Variants in ADGRL3 observed in about 807,000 individuals in gnomAD.
ADGRL3 encodes the protein adhesion G protein-coupled receptor L3.
In ADGRL3, 62 loss-of-function variants were observed where a neutral mutation model predicts 153.5. That is an observed-to-expected ratio of 0.40 (90% confidence interval 0.33 to 0.50). The LOEUF (loss-of-function observed/expected upper bound fraction) is 0.50. Ranked by LOEUF, ADGRL3 falls within the 20% of genes least tolerant of loss-of-function variation. The pLI, the probability that ADGRL3 is intolerant of heterozygous loss-of-function variation, is 0.47. For synonymous variants in ADGRL3, 710 were observed against 672.5 expected (o/e 1.06, Z -0.86); for missense variants, 1,641 against 1,859.4 (o/e 0.88, Z 2.16).
rs370404295 is a variant in ADGRL3, at chr4:61,968,525, C to T, written c.2806-11038C>T. 1.2e-3 allele frequency among the ~76,000 whole-genome samples: 179 copies of T among 152,170 alleles called. 1 individual carries two copies. Among genetic ancestry groups the T allele is most frequent in the African/African-American group, 4.2e-3 (173 of 41,534 alleles). ...TTTGAAAATATAATTTTACAGAAGG[C>T]CAATATTTTAACATATTTTTATGGC... On this transcript the variant is annotated intron_variant, in intron 17 of 26. Coordinates refer to ENST00000683033, the MANE Select transcript of ADGRL3 (RefSeq NM_001387552.1).
At chr4:61,314,149 A>G (rs944551682) in intron 1 of ADGRL3, among the ~76,000 whole-genome samples, 1 of 151,916 alleles carries the variant, frequency 6.6e-6, no homozygotes, top group African/African-American at 2.4e-5. Flanking sequence ...CTTTTTCTTT[A>G]TTAATAAACC....
chr4:61,844,241 T>G (rs1402035016), intron 9 of ADGRL3, among the ~76,000 whole-genome samples: 1 of 151,338 alleles, frequency 6.6e-6, no homozygotes, highest in African/African-American at 2.4e-5. Context: ...TTCAGAAAAA[T>G]AATTTAATTA....
chr4:61,216,150 T>C (rs1742680145), intron 1 of ADGRL3, among the ~76,000 whole-genome samples: 1 of 152,176 alleles, frequency 6.6e-6, no homozygotes, highest in Admixed American at 6.5e-5. Context: ...AGGCTCAGTA[T>C]TGCATGTGGT....
rs183853829 is a variant in ADGRL3, at chr4:61,775,649, C to T, written c.1400-38160C>T. ...TTGATTTGGTGTTCAGCACAAAGGGCCTCCACCAACTTGACATACATCACA... is the reference window on the plus strand; with the variant it reads ...TTGATTTGGTGTTCAGCACAAAGGGTCTCCACCAACTTGACATACATCACA... On this transcript the variant is annotated intron_variant, in intron 8 of 26. Transcript: ENST00000683033. 161 of 1,500,642 alleles carry T rather than the reference C, an allele frequency of 1.1e-4. No individual in the cohort carries two copies. In the Admixed American group the frequency reaches 1.2e-3, roughly 11 times the overall value. The allele number at this position is 1,500,642 out of a possible 1,614,324, so 93.0% of individuals were successfully genotyped here. A position where few individuals can be genotyped will look rare whatever the true frequency, so the allele number is the denominator to read the frequency against.
intron 8 of ADGRL3, among the ~76,000 whole-genome samples, chr4:61,791,531 T>C (rs1487068315): frequency 6.6e-6 from 1 of 152,112 alleles, no homozygotes; most frequent in Non-Finnish European, 1.5e-5. Flanking sequence ...TGTCTGCAGC[T>C]TTTTCCAGGT....
intron 9 of ADGRL3, among the ~76,000 whole-genome samples, chr4:61,835,720 C>T (rs1204686816): frequency 1.3e-5 from 2 of 151,938 alleles, no homozygotes; most frequent in African/African-American, 4.8e-5. Context: ...CAGAAGCTAT[C>T]CATGGGGGGA....
At chr4:61,340,601 T>C (rs1226151808) in intron 1 of ADGRL3, among the ~76,000 whole-genome samples, 1 of 152,266 alleles carries the variant, frequency 6.6e-6, no homozygotes, top group African/African-American at 2.4e-5. Context: ...TAAAACTAAA[T>C]ATAATTTATA....
intron 2 of ADGRL3, among the ~76,000 whole-genome samples, chr4:61,476,838 A>G (rs1297573928): frequency 2.0e-5 from 3 of 151,590 alleles, no homozygotes; most frequent in Non-Finnish European, 4.4e-5. Flanking sequence ...AGCCTCCCAA[A>G]TGCTGGGACT....
At chr4:61,455,548 G>C (rs1235138804) in intron 2 of ADGRL3, among the ~76,000 whole-genome samples, 1 of 152,014 alleles carries the variant, frequency 6.6e-6, no homozygotes, top group African/African-American at 2.4e-5. Context: ...TGTGGAATTT[G>C]TATTCTGCTG....
intron 1 of ADGRL3, among the ~76,000 whole-genome samples, chr4:61,354,946 C>T (rs1269368308): frequency 6.6e-6 from 1 of 152,028 alleles, no homozygotes; most frequent in Non-Finnish European, 1.5e-5. Context: ...TTCCTTTAGT[C>T]ACAGGCTGAA....
Position 61,863,778 on chromosome 4 carries a change from A to G in ADGRL3, c.1481-28878A>G, listed in dbSNP as rs1190937422. ...AAAAGGCACAAAAATCACTGCCAGCATGAGGGCAGTTTGAAGAGATTAAAA... is the reference window on the plus strand; with the variant it reads ...AAAAGGCACAAAAATCACTGCCAGCGTGAGGGCAGTTTGAAGAGATTAAAA... On this transcript the variant is annotated intron_variant, in intron 9 of 26. Transcript: ENST00000683033. 1.1e-4 allele frequency among the ~76,000 whole-genome samples: 16 copies of G among 152,242 alleles called. No individual in the cohort carries two copies. The East Asian group carries it at 2.9e-3, about 28-fold the overall frequency.
intron 11 of ADGRL3, among the ~76,000 whole-genome samples, chr4:61,905,531 G>T (rs1028211973): frequency 6.6e-6 from 1 of 152,020 alleles, no homozygotes; most frequent in Non-Finnish European, 1.5e-5. Flanking sequence ...AGGTATTTTA[G>T]GTATAAAGAT....
intron 13 of ADGRL3, among the ~76,000 whole-genome samples, chr4:61,927,619 G>A (rs1471376564): frequency 6.6e-6 from 1 of 152,108 alleles, no homozygotes; most frequent in Non-Finnish European, 1.5e-5. Context: ...TTGATCAGAT[G>A]TATAAATATC....
intron 2 of ADGRL3, among the ~76,000 whole-genome samples, chr4:61,432,118 G>C (rs2097363127): frequency 6.6e-6 from 1 of 152,092 alleles, no homozygotes; most frequent in Non-Finnish European, 1.5e-5. Flanking sequence ...TCTTGATACT[G>C]ACTCATTTCA....
intron 1 of ADGRL3, among the ~76,000 whole-genome samples, chr4:61,321,686 G>A (rs1023263674): frequency 6.6e-6 from 1 of 151,570 alleles, no homozygotes; most frequent in Admixed American, 6.6e-5. Context: ...GTAACACAAT[G>A]TTAAGTATTT....
At chr4:61,746,394 C>T (rs1376453560) in intron 8 of ADGRL3, among the ~76,000 whole-genome samples, 3 of 152,168 alleles carry the variant, frequency 2.0e-5, no homozygotes, top group Non-Finnish European at 2.9e-5. Flanking sequence ...CCCAAATCAA[C>T]AGAATATACA....
intron 5 of ADGRL3, among the ~76,000 whole-genome samples, chr4:61,635,446 A>T (rs2093373896): frequency 6.6e-6 from 1 of 152,166 alleles, no homozygotes; most frequent in South Asian, 2.1e-4. Context: ...GGCCTTTCAA[A>T]AGTACCAGGA....
chr4:61,375,536 A>G (rs1381077302), intron 1 of ADGRL3, among the ~76,000 whole-genome samples: 2 of 152,152 alleles, frequency 1.3e-5, no homozygotes. Context: ...TGCATGTTTC[A>G]GGTTAGATTT....
At chr4:61,215,357 T>G (rs1376927173) in intron 1 of ADGRL3, among the ~76,000 whole-genome samples, 1 of 152,088 alleles carries the variant, frequency 6.6e-6, no homozygotes, top group Non-Finnish European at 1.5e-5. Flanking sequence ...TGTTGCAAGA[T>G]AAATTTAAGT....
Sources: allele counts gnomAD v4.1 joint callset (sites outside exome capture counted in the v4.1 genomes callset), GRCh38; gene constraint gnomAD v4.1.1; transcripts MANE v1.5; gene names NCBI Gene and HGNC (gene_info 2026-07-23, HGNC 2026-07-21).